DNAJC6: variants seen among roughly 807,000 people sequenced by gnomAD.
DNAJC6 encodes the protein auxilin.
A neutral mutation model predicts 110.0 loss-of-function variants in DNAJC6; 34 were observed. The observed-to-expected ratio is 0.31, with a 90% CI of 0.24 to 0.41. The LOEUF (loss-of-function observed/expected upper bound fraction) is 0.41. Ranked by LOEUF, DNAJC6 falls within the 10% of genes least tolerant of loss-of-function variation. The probability of loss-of-function intolerance (pLI) is 1.00; values close to 1 mark genes in which losing one functional copy is unlikely to be tolerated. For missense variants in DNAJC6, 1,031 were observed against 1,207.8 expected (o/e 0.85, Z 2.17); for synonymous variants, 406 against 437.2 (o/e 0.93, Z 0.89).
chr1:65,302,629 G>A (rs1644999275), intron 1 of DNAJC6, among the ~76,000 whole-genome samples: 1 of 139,986 alleles, frequency 7.1e-6, no homozygotes, highest in African/African-American at 2.7e-5. Context: ...TCCGCTTCCC[G>A]GGTTCACGCC....
At chr1:65,378,116 T>C (rs1645784155) in intron 4 of DNAJC6, among the ~76,000 whole-genome samples, 2 of 152,194 alleles carry the variant, frequency 1.3e-5, no homozygotes, top group African/African-American at 4.8e-5. Flanking sequence ...AGTGTGTTTG[T>C]ACCCCACTGC....
At chr1:65,279,203 G>T in intron 1 of DNAJC6, 1 of 977,490 alleles carries the variant, frequency 1.0e-6, no homozygotes, top group Non-Finnish European at 1.2e-6. Flanking sequence ...TACAACTTTG[G>T]GGGAGGGGCG....
chr1:65,274,007 G>A (rs1176600695), intron 1 of DNAJC6, among the ~76,000 whole-genome samples: 1 of 152,082 alleles, frequency 6.6e-6, no homozygotes, highest in Non-Finnish European at 1.5e-5. Flanking sequence ...CGGATCTTCT[G>A]TATCCTCACT....
At chr1:65,268,384 T>C (rs1346290769) in intron 1 of DNAJC6, among the ~76,000 whole-genome samples, 1 of 152,102 alleles carries the variant, frequency 6.6e-6, no homozygotes, top group African/African-American at 2.4e-5. Flanking sequence ...AAAAAGAAAA[T>C]AGTTGAGTGA....
intron 5 of DNAJC6, 48 bp from the exon 6 acceptor site, chr1:65,384,145 G>C: frequency 7.3e-7 from 1 of 1,375,772 alleles, no homozygotes; most frequent in Non-Finnish European, 9.5e-7. Context: ...AATGGAGAAT[G>C]GCTGATTTGA....
chr1:65,393,018 G>A lies in DNAJC6; in HGVS notation c.1903+153G>A, dbSNP rs564966176. On this transcript the variant is annotated intron_variant, in intron 12 of 18. Transcript: ENST00000371069. ...CTGTATCTTTATTTAAATTGAGAGC[G>A]TAAGAGAAAATAGAAATATTGTCCA... 8.8e-4 allele frequency among the ~76,000 whole-genome samples: 134 copies of A among 152,268 alleles called. 1 individual carries two copies. Among genetic ancestry groups the A allele is most frequent in the East Asian group, 2.7e-3 (14 of 5,174 alleles).
intron 1 of DNAJC6, among the ~76,000 whole-genome samples, chr1:65,332,080 G>A (rs564094297): frequency 6.6e-6 from 1 of 152,270 alleles, no homozygotes; most frequent in Admixed American, 6.5e-5. Flanking sequence ...CAGCTTTGCT[G>A]TGTCTGGTTA....
intron 1 of DNAJC6, among the ~76,000 whole-genome samples, chr1:65,349,705 A>G (rs1645473400): frequency 2.0e-5 from 3 of 150,066 alleles, no homozygotes; most frequent in African/African-American, 4.9e-5. Flanking sequence ...TATGTAATGT[A>G]TCTTTTTCTC....
rs570828594 is a variant in DNAJC6 at position 65,328,444 on chromosome 1, C to CTA, written c.193+18507_193+18508dup. 2.7e-4 allele frequency among the ~76,000 whole-genome samples: 41 copies of CTA among 152,300 alleles called. No individual in the cohort carries two copies. The East Asian group carries it at 6.0e-3, about 22-fold the overall frequency. Reference sequence around the variant, plus strand: ...TCCCAGTGGTATATTTTGCAAAACTCTAGTGTAATATCACAGCCAGGATGT... The same window carrying CTA: ...TCCCAGTGGTATATTTTGCAAAACTCTATAGTGTAATATCACAGCCAGGATGT... On this transcript the variant is annotated intron_variant, in intron 1 of 18. Transcript: ENST00000371069.
rs75366600 is a variant in DNAJC6, at chr1:65,355,820, A to C, written c.194-8815A>C. Among the ~76,000 whole-genome samples, 316 of 148,430 alleles carry C rather than the reference A, an allele frequency of 2.1e-3. 1 individual carries two copies. Among genetic ancestry groups the C allele is most frequent in the Non-Finnish European group, 4.1e-3 (277 of 67,264 alleles). ...TACACCAATAGGAGATTCTTACCCT[A>C]GGGAGGCTTGCTAGACACATCTCCA... On this transcript the variant is annotated intron_variant, in intron 1 of 18. Transcript: ENST00000371069.
chr1:65,401,925 C>A (rs769357745), intron 15 of DNAJC6, 45 bp downstream of exon 15: 2 of 1,605,992 alleles, frequency 1.2e-6, no homozygotes, highest in African/African-American at 1.3e-5. Flanking sequence ...TTATTTATAG[C>A]TATAAAGCCT....
intron 1 of DNAJC6, among the ~76,000 whole-genome samples, chr1:65,334,490 A>G (rs932046272): frequency 2.8e-4 from 42 of 152,238 alleles, no homozygotes; most frequent in African/African-American, 1.0e-3. Context: ...GGAGGAATGC[A>G]GGAGGTGAGA....
chr1:65,290,983 A>C (rs911063353), intron 1 of DNAJC6, among the ~76,000 whole-genome samples: 2 of 152,248 alleles, frequency 1.3e-5, no homozygotes, highest in Non-Finnish European at 2.9e-5. Flanking sequence ...AAACAATAAA[A>C]TCCCAAATAT....
Position 65,408,629 on chromosome 1 carries a change from A to T in DNAJC6, c.2492-12A>T, listed in dbSNP as rs775504551. 1.4e-5 allele frequency: 22 copies of T among 1,598,592 alleles called. No homozygotes were observed. The South Asian group carries it at 2.4e-4, about 17-fold the overall frequency. On this transcript the variant is annotated splice_polypyrimidine_tract_variant and intron_variant, in intron 16 of 18. Transcript: ENST00000371069. ...ATGAAAACTGTAATGATTTTCAAAA[A>T]TTATATTGCAGAAGGGAAACAAAAA...
intron 1 of DNAJC6, among the ~76,000 whole-genome samples, chr1:65,355,564 C>G (rs368839736): frequency 3.3e-5 from 5 of 152,158 alleles, no homozygotes; most frequent in Non-Finnish European, 7.3e-5. Flanking sequence ...GCTTATACCA[C>G]GTGCCACCTA....
chr1:65,369,795 C>T (rs1043598301), intron 4 of DNAJC6, among the ~76,000 whole-genome samples: 1 of 152,120 alleles, frequency 6.6e-6, no homozygotes, highest in Non-Finnish European at 1.5e-5. Context: ...TTCTGTATTT[C>T]GATTCACTTT....
Position 65,415,037 on chromosome 1 carries a change from A to T in DNAJC6, c.*2012A>T, listed in dbSNP as rs1646158865. 3 of 152,206 alleles carry T rather than the reference A, an allele frequency of 2.0e-5. No individual in the cohort carries two copies. In the South Asian group the frequency reaches 6.2e-4, roughly 31 times the overall value. 9.4% of individuals were successfully genotyped at this position (152,206 alleles called of 1,614,324 possible). A position where few individuals can be genotyped will look rare whatever the true frequency, so the allele number is the denominator to read the frequency against. ...TACTTAAATTTGGAGATTTTCCCCCACATCTCTTTTCCGGATACATTATAA... is the reference window on the plus strand; with the variant it reads ...TACTTAAATTTGGAGATTTTCCCCCTCATCTCTTTTCCGGATACATTATAA... On this transcript the variant is annotated 3_prime_UTR_variant, in exon 19 of 19. Transcript: ENST00000371069.
chr1:65,289,812 G>GT (rs34346164), intron 1 of DNAJC6, among the ~76,000 whole-genome samples: 3,110 of 137,918 alleles, frequency 0.023, 84 homozygotes, highest in African/African-American at 0.06. Context: ...TGTCATTGTT[G>GT]TTTTTTTTTT....
At chr1:65,365,396 T>C (rs1390331820) in intron 2 of DNAJC6, among the ~76,000 whole-genome samples, 1 of 152,164 alleles carries the variant, frequency 6.6e-6, no homozygotes, top group East Asian at 1.9e-4. Context: ...AATCAGAAAT[T>C]CAAACGTCAA....
Sources: gnomAD v4.1 joint callset for allele counts (sites outside exome capture counted in the v4.1 genomes callset) on GRCh38, gnomAD v4.1.1 for gene constraint, MANE v1.5 for transcripts, NCBI Gene and HGNC (gene_info 2026-07-23, HGNC 2026-07-21) for gene names.